The following MARCHF1 variants were observed in gnomAD, a reference collection of about 807,000 sequenced individuals.
The protein encoded by MARCHF1 is membrane associated ring-CH-type finger 1.
A neutral mutation model predicts 54.2 loss-of-function variants in MARCHF1; 40 were observed. The ratio of observed to expected loss-of-function variants is 0.74; its 90% CI spans 0.57 to 0.96. The LOEUF (loss-of-function observed/expected upper bound fraction) is 0.96, where lower values mean the gene tolerates loss of function less well. MARCHF1 is among the 40% of genes least tolerant of loss of function. The pLI, the probability that MARCHF1 is intolerant of heterozygous loss-of-function variation, is 0.00. For missense variants in MARCHF1, 586 were observed against 656.5 expected, an observed-to-expected ratio of 0.89 and a Z score of 1.17; for synonymous variants, 236 against 236.3, an observed-to-expected ratio of 1.00 and a Z score of 0.01.
intron 1 of MARCHF1, among the ~76,000 whole-genome samples, chr4:164,336,050 C>T (rs1433110874): frequency 6.6e-6 from 1 of 152,050 alleles, no homozygotes; most frequent in Non-Finnish European, 1.5e-5. Flanking sequence ...ATTTGCTGTA[C>T]CAAGAGACAA....
intron 5 of MARCHF1, among the ~76,000 whole-genome samples, chr4:163,625,843 G>A (rs1011668747): frequency 4.6e-5 from 7 of 152,132 alleles, no homozygotes; most frequent in African/African-American, 1.7e-4. Context: ...GAAGCTGGAA[G>A]GGTCTTTTTA....
At chr4:163,596,697 G>T (rs1374874171) in intron 7 of MARCHF1, among the ~76,000 whole-genome samples, 4 of 152,184 alleles carry the variant, frequency 2.6e-5, no homozygotes, top group South Asian at 4.1e-4. Flanking sequence ...GGATAAGGAA[G>T]TAGTCCAAAC....
At chr4:163,593,838 T>C (rs974097037) in intron 7 of MARCHF1, among the ~76,000 whole-genome samples, 6 of 152,232 alleles carry the variant, frequency 3.9e-5, no homozygotes, top group African/African-American at 1.2e-4. Context: ...TCCAACCACA[T>C]TGAGTGAAGA....
intron 1 of MARCHF1, among the ~76,000 whole-genome samples, chr4:164,261,117 G>A (rs2111276071): frequency 6.6e-6 from 1 of 152,170 alleles, no homozygotes; most frequent in South Asian, 2.1e-4. Flanking sequence ...AGGAACTACT[G>A]GAAGCAGAGA....
At chr4:164,150,058 C>T (rs909380667) in intron 1 of MARCHF1, among the ~76,000 whole-genome samples, 3 of 152,078 alleles carry the variant, frequency 2.0e-5, no homozygotes, top group Non-Finnish European at 2.9e-5. Flanking sequence ...TGTGATGGAA[C>T]AGTTACTGCC....
intron 1 of MARCHF1, among the ~76,000 whole-genome samples, chr4:164,361,719 G>T (rs1730728564): frequency 6.6e-6 from 1 of 152,012 alleles, no homozygotes; most frequent in Non-Finnish European, 1.5e-5. Context: ...CTTTTCTGAG[G>T]TTTTCATTTT....
intron 4 of MARCHF1, among the ~76,000 whole-genome samples, chr4:163,774,010 T>A (rs553847554): frequency 6.6e-6 from 1 of 152,318 alleles, no homozygotes; most frequent in South Asian, 2.1e-4. Context: ...CAGTTCTGCC[T>A]AACTAGCTTA....
Position 163,960,766 on chromosome 4 carries a change from A to T in MARCHF1, c.-39+27735T>A, listed in dbSNP as rs182838054. Among the ~76,000 whole-genome samples, 46 of 151,708 alleles carry T rather than the reference A, an allele frequency of 3.0e-4. No homozygotes were observed. In the East Asian group the frequency reaches 6.4e-3, roughly 21 times the overall value. ...CAATAAACCTCTGTTACATGTGTTT[A>T]CCTATATAACAAACCTTCGCATGTA... On this transcript the variant is annotated intron_variant, in intron 3 of 9. Transcript: ENST00000514618.
intron 8 of MARCHF1, among the ~76,000 whole-genome samples, chr4:163,557,325 T>C (rs980763131): frequency 6.6e-6 from 1 of 152,224 alleles, no homozygotes; most frequent in African/African-American, 2.4e-5. Context: ...ATTATTTTGC[T>C]GTATAAGCTG....
chr4:164,162,042 G>C (rs1730253574), intron 1 of MARCHF1, among the ~76,000 whole-genome samples: 1 of 152,016 alleles, frequency 6.6e-6, no homozygotes, highest in African/African-American at 2.4e-5. Flanking sequence ...AAATAGAAAA[G>C]AAAGACAACG....
At chr4:163,662,963 C>T (rs944928483) in intron 5 of MARCHF1, among the ~76,000 whole-genome samples, 5 of 137,674 alleles carry the variant, frequency 3.6e-5, no homozygotes, top group African/African-American at 5.7e-5. Context: ...TTGTTTGCCA[C>T]GGGTTATTAT....
chr4:164,175,154 A>G (rs7654597), intron 1 of MARCHF1, among the ~76,000 whole-genome samples: 6,915 of 152,244 alleles, frequency 0.045, 217 homozygotes, highest in Middle Eastern at 0.15. Context: ...ATATGTCTAG[A>G]TTTGTGCAAA....
At chr4:163,911,406 T>C (rs1464491088) in intron 3 of MARCHF1, among the ~76,000 whole-genome samples, 2 of 152,128 alleles carry the variant, frequency 1.3e-5, no homozygotes, top group Non-Finnish European at 2.9e-5. Context: ...GAGAGGTGTG[T>C]GCCTGAGTTT....
intron 1 of MARCHF1, chr4:164,197,842 T>C (rs1489726538): frequency 9.0e-6 from 13 of 1,440,592 alleles, no homozygotes; most frequent in Non-Finnish European, 1.0e-5. Flanking sequence ...CCCCAATATT[T>C]ACAAATATTA....
At chr4:164,074,979 A>G (rs1030851054) in intron 2 of MARCHF1, among the ~76,000 whole-genome samples, 1 of 152,002 alleles carries the variant, frequency 6.6e-6, no homozygotes, top group Non-Finnish European at 1.5e-5. Flanking sequence ...GGTCCAACCA[A>G]TTTCCCTGTT....
intron 2 of MARCHF1, among the ~76,000 whole-genome samples, chr4:164,038,667 G>A (rs1274128778): frequency 1.3e-5 from 2 of 152,092 alleles, no homozygotes; most frequent in African/African-American, 2.4e-5. Flanking sequence ...TAAACTTTCA[G>A]TGTAGACTGA....
chr4:164,267,992 G>GA (rs201654694), intron 1 of MARCHF1, among the ~76,000 whole-genome samples: 1,904 of 150,312 alleles, frequency 0.013, 29 homozygotes, highest in African/African-American at 0.043. Context: ...TGCCAGGTAG[G>GA]AAAAAAAAAT....
At chr4:163,633,716 A>C (rs1311513020) in intron 5 of MARCHF1, among the ~76,000 whole-genome samples, 3 of 152,212 alleles carry the variant, frequency 2.0e-5, no homozygotes, top group Admixed American at 6.5e-5. Context: ...GCAAGGCAGG[A>C]CAACATTCAG....
intron 2 of MARCHF1, among the ~76,000 whole-genome samples, chr4:164,096,072 C>T (rs1755404375): frequency 6.6e-6 from 1 of 152,110 alleles, no homozygotes. Context: ...TGGGTACATA[C>T]CCAAAGGGAA....
Sources: allele counts gnomAD v4.1 joint callset (sites outside exome capture counted in the v4.1 genomes callset), GRCh38; gene constraint gnomAD v4.1.1; transcripts MANE v1.5; gene names NCBI Gene and HGNC (gene_info 2026-07-23, HGNC 2026-07-21).